The following SKA1 variants were observed in gnomAD, a reference collection of about 807,000 sequenced individuals.
The protein encoded by SKA1 is SKA complex subunit 1.
A neutral mutation model predicts 31.8 loss-of-function variants in SKA1; 20 were observed. The observed-to-expected ratio is 0.63, with a 90% CI of 0.44 to 0.91. The LOEUF (loss-of-function observed/expected upper bound fraction) is 0.91. SKA1 is among the 40% of genes least tolerant of loss of function. The pLI is 0.00. For synonymous variants in SKA1, 88 were observed against 100.5 expected, an observed-to-expected ratio of 0.88 and a Z score of 0.74; for missense variants, 253 against 298.2, an observed-to-expected ratio of 0.85 and a Z score of 1.12.
chr18:50,377,261 G>T (rs929403395), intron 2 of SKA1, among the ~76,000 whole-genome samples: 1 of 152,074 alleles, frequency 6.6e-6, no homozygotes, highest in African/African-American at 2.4e-5. Context: ...TGATGGCTCC[G>T]ATGTCACAAG....
chr18:50,384,892 G>GAAAAAAAAAAAAAAAAAAAAGA (rs796154111), intron 4 of SKA1, among the ~76,000 whole-genome samples: 1 of 68,570 alleles, frequency 1.5e-5, no homozygotes, highest in African/African-American at 7.7e-5. Flanking sequence ...AAAAAAAAAG[G>GAAAAAAAAAAAAAAAAAAAAGA]AAAAAAAAAA....
intron 5 of SKA1, 52 bp downstream of exon 5, chr18:50,385,405 G>A (rs375607368): frequency 6.0e-5 from 84 of 1,403,790 alleles, no homozygotes; most frequent in South Asian, 2.1e-4. Context: ...ATAAATGATC[G>A]TTTAAATAAT....
In SKA1 at chr18:50,383,923, C is replaced by T. The variant is rs184081469; in HGVS notation, c.312-1293C>T. Among the ~76,000 whole-genome samples, 30 of 152,266 alleles carry T rather than the reference C, an allele frequency of 2.0e-4. No individual in the cohort carries two copies. In the East Asian group the frequency reaches 2.3e-3, roughly 12 times the overall value. ...GCATTGGGCATCTTTATCTTGACAG[C>T]GTGCAGCGTGGCCGAGTCACACCAC... On this transcript the variant is annotated intron_variant, in intron 4 of 6. Coordinates refer to ENST00000285116, the MANE Select transcript of SKA1 (RefSeq NM_145060.4).
At chr18:50,380,743 G>T (rs1568328445) in intron 3 of SKA1, among the ~76,000 whole-genome samples, 4 of 152,144 alleles carry the variant, frequency 2.6e-5, no homozygotes, top group Admixed American at 6.6e-5. Context: ...GGGTTCTCAG[G>T]TAAAGAAAAA....
At chr18:50,392,041 TAAAG>T in intron 6 of SKA1, 54 bp from the exon 7 acceptor site, 1 of 1,368,786 alleles carries the variant, frequency 7.3e-7, no homozygotes, top group South Asian at 1.6e-5. Context: ...CTTAATGTAT[TAAAG>T]ACTCTTTTGC....
At chr18:50,379,265 G>A (rs559499929) in intron 2 of SKA1, among the ~76,000 whole-genome samples, 93 of 152,258 alleles carry the variant, frequency 6.1e-4, no homozygotes, top group African/African-American at 2.0e-3. Context: ...GCTAGGAGGT[G>A]GGATTGGGAC....
At position 50,392,283 on chromosome 18, in the gene SKA1, T is replaced by C; in HGVS notation, c.*36T>C. The C allele has an allele frequency of 3.0e-6, 4 of 1,339,116 alleles. No homozygotes were observed. Among genetic ancestry groups the C allele is most frequent in the East Asian group, 2.6e-5 (1 of 38,770 alleles). 83.0% of individuals were successfully genotyped at this position (1,339,116 alleles called of 1,614,324 possible). A position where few individuals can be genotyped will look rare whatever the true frequency, so the allele number is the denominator to read the frequency against. The stretch of plus-strand genomic sequence containing the variant: ...AACTTTTGAACATACCAACAGGGTA[T>C]AGAGTATAGAGGCTATTTCTATAAT... On this transcript the variant is annotated 3_prime_UTR_variant, in exon 7 of 7. Transcript: ENST00000285116.
chr18:50,391,521 C>A (rs1465741205), intron 6 of SKA1, among the ~76,000 whole-genome samples: 1 of 152,118 alleles, frequency 6.6e-6, no homozygotes, highest in South Asian at 2.1e-4. Flanking sequence ...CTATAACAGC[C>A]GGCAGTGCAC....
intron 5 of SKA1, among the ~76,000 whole-genome samples, chr18:50,386,300 T>A (rs1333634191): frequency 2.0e-5 from 3 of 152,222 alleles, no homozygotes; most frequent in African/African-American, 7.2e-5. Flanking sequence ...AATTTTTTTA[T>A]TTCCTTGGGA....
chr18:50,386,131 A>G (rs2041305615), intron 5 of SKA1, among the ~76,000 whole-genome samples: 1 of 152,192 alleles, frequency 6.6e-6, no homozygotes. Flanking sequence ...TGTAAATACA[A>G]CTTACTATCC....
At chr18:50,378,520 A>C (rs886648563) in intron 2 of SKA1, among the ~76,000 whole-genome samples, 1 of 152,080 alleles carries the variant, frequency 6.6e-6, no homozygotes, top group Non-Finnish European at 1.5e-5. Flanking sequence ...TACACAAAAT[A>C]AAAAATGAGC....
chr18:50,382,974 C>T (rs952348512), intron 4 of SKA1, among the ~76,000 whole-genome samples: 1 of 152,162 alleles, frequency 6.6e-6, no homozygotes, highest in African/African-American at 2.4e-5. Context: ...GTCAAGGCTG[C>T]GGTGAGCCCT....
intron 5 of SKA1, among the ~76,000 whole-genome samples, chr18:50,388,535 A>AGTGTAACTGCT (rs2041329540): frequency 6.6e-6 from 1 of 151,634 alleles, no homozygotes; most frequent in Admixed American, 6.6e-5. Flanking sequence ...AAGGTGTTGG[A>AGTGTAACTGCT]GAGGAGAAGC....
chr18:50,391,038 A>G, intron 5 of SKA1, 86 bp from the exon 6 acceptor site: 1 of 973,978 alleles, frequency 1.0e-6, no homozygotes, highest in Admixed American at 3.1e-5. Context: ...ACTGTTGTAC[A>G]AAGTCATCAT....
At chr18:50,375,418 C>T (rs1020296017) in intron 1 of SKA1, among the ~76,000 whole-genome samples, 10 of 152,208 alleles carry the variant, frequency 6.6e-5, no homozygotes, top group African/African-American at 1.2e-4. Flanking sequence ...GCCCCAACCC[C>T]TCACAGCACA....
At chr18:50,379,003 G>A (rs1419325958) in intron 2 of SKA1, among the ~76,000 whole-genome samples, 2 of 152,140 alleles carry the variant, frequency 1.3e-5, no homozygotes, top group Non-Finnish European at 2.9e-5. Flanking sequence ...TAATGAGGTA[G>A]GTACTTGGTG....
chr18:50,384,872 A>AAAAAAAAAAAAAAAAAAAAAAAAATT (rs2041293255), intron 4 of SKA1, among the ~76,000 whole-genome samples: 3 of 68,786 alleles, frequency 4.4e-5, no homozygotes, highest in African/African-American at 6.6e-5. Flanking sequence ...AAAAAAAATT[A>AAAAAAAAAAAAAAAAAAAAAAAAATT]AAAAAAAAAA....
chr18:50,385,730 G>A (rs528411408), intron 5 of SKA1, among the ~76,000 whole-genome samples: 5 of 152,064 alleles, frequency 3.3e-5, no homozygotes, highest in South Asian at 4.1e-4. Flanking sequence ...ATTGCACCCC[G>A]CACTTGTTTG....
rs111893044 is a variant in SKA1, at chr18:50,389,879, A to G, written c.450-1245A>G. Among the ~76,000 whole-genome samples, 463 of 152,342 alleles carry G rather than the reference A, an allele frequency of 3.0e-3. 2 individuals carry two copies. Among genetic ancestry groups the G allele is most frequent in the African/African-American group, 1.0e-2 (415 of 41,574 alleles). On this transcript the variant is annotated intron_variant, in intron 5 of 6. Coordinates refer to ENST00000285116, the MANE Select transcript of SKA1 (RefSeq NM_145060.4). ...TTCCATAAAGAGCTATTGGAAGGAA[A>G]TTAGAATGGTCATGGTAGAGTATTC...
Sources: gnomAD v4.1 joint callset for allele counts (sites outside exome capture counted in the v4.1 genomes callset) on GRCh38, gnomAD v4.1.1 for gene constraint, MANE v1.5 for transcripts, NCBI Gene and HGNC (gene_info 2026-07-23, HGNC 2026-07-21) for gene names.